Variants in MBTD1 observed in about 807,000 individuals in gnomAD.
The protein encoded by MBTD1 is mbt domain containing 1.
MBTD1 carries 24 observed loss-of-function variants against 87.8 expected under a neutral mutation model. The ratio of observed to expected loss-of-function variants is 0.27; its 90% CI spans 0.20 to 0.38. MBTD1 has a LOEUF of 0.38. MBTD1 is among the 10% of genes least tolerant of loss of function. MBTD1 has a pLI of 1.00. For synonymous variants in MBTD1, 237 were observed against 248.6 expected, an observed-to-expected ratio of 0.95 and a Z score of 0.44; for missense variants, 436 against 760.2, an observed-to-expected ratio of 0.57 and a Z score of 5.02.
At chr17:51,195,564 G>T (rs748759338) in intron 12 of MBTD1, among the ~76,000 whole-genome samples, 15 of 152,168 alleles carry the variant, frequency 9.9e-5, no homozygotes, top group Non-Finnish European at 2.1e-4. Context: ...AGAAACAAAA[G>T]CAGGATTACC....
chr17:51,245,153 G>C (rs1178538460), intron 2 of MBTD1, among the ~76,000 whole-genome samples: 1 of 152,182 alleles, frequency 6.6e-6, no homozygotes, highest in Non-Finnish European at 1.5e-5. Flanking sequence ...GCTCGCCTCA[G>C]CCTCCCAAAG....
intron 2 of MBTD1, among the ~76,000 whole-genome samples, chr17:51,232,385 G>T (rs1485499124): frequency 6.6e-6 from 1 of 152,054 alleles, no homozygotes; most frequent in African/African-American, 2.4e-5. Context: ...CCATGAGCAA[G>T]CATCAGCAGA....
At chr17:51,206,022 T>A (rs1372891376) in intron 7 of MBTD1, among the ~76,000 whole-genome samples, 2 of 152,182 alleles carry the variant, frequency 1.3e-5, no homozygotes, top group African/African-American at 4.8e-5. Context: ...GAGTATCTTG[T>A]CATATTAATA....
chr17:51,190,750 A>AATATATATATATATATATATATATATAT (rs1555677186), intron 16 of MBTD1, among the ~76,000 whole-genome samples: 4 of 39,708 alleles, frequency 1.0e-4, no homozygotes, highest in Non-Finnish European at 1.6e-4. Context: ...AAAAAAAAAA[A>AATATATATATATATATATATATATATAT]ATATATATAT....
At chr17:51,219,180 C>T (rs369816968) in intron 4 of MBTD1, 136 bp from the exon 5 acceptor site, 21 of 568,708 alleles carry the variant, frequency 3.7e-5, no homozygotes, top group East Asian at 3.6e-4. Flanking sequence ...AGGAAACATA[C>T]AAGAATTTTA....
chr17:51,260,533 C>G (rs2055415677), upstream of MBTD1: 19 of 1,554,554 alleles, frequency 1.2e-5, 2 homozygotes, highest in South Asian at 2.3e-4. Context: ...GGCCTGGGCG[C>G]ATGCGCAGCG....
intron 13 of MBTD1, among the ~76,000 whole-genome samples, chr17:51,194,855 A>G (rs2145109841): frequency 6.6e-6 from 1 of 152,056 alleles, no homozygotes; most frequent in Admixed American, 6.6e-5. Context: ...GTGCCACTGC[A>G]CTCCAGCCTG....
Position 51,193,512 on chromosome 17 carries a change from TA to T in MBTD1, c.1373-3del. On this transcript the variant is annotated splice_region_variant and splice_polypyrimidine_tract_variant and intron_variant, in intron 13 of 16. Coordinates refer to ENST00000586178, the MANE Select transcript of MBTD1 (RefSeq NM_017643.3). ...ATTTAAAAGGAAGTTTTGTGTAACC[TA>T]AAAAACACAACTGGTTTAACTAGCA... is the stretch of plus-strand genomic sequence containing the variant. The T allele has an allele frequency of 1.3e-6, 2 of 1,585,580 alleles. No individual in the cohort carries two copies. The highest frequency in any genetic ancestry group is 1.7e-6 in the Non-Finnish European group (2 of 1,156,034).
rs1361170754 is a variant in MBTD1, at chr17:51,178,927, C to T, written c.*1649G>A. On this transcript the variant is annotated 3_prime_UTR_variant, in exon 17 of 17. Coordinates refer to ENST00000586178, the MANE Select transcript of MBTD1 (RefSeq NM_017643.3). ...TATTATAAAACCTTATGTTATTAACCCCTCTTGCATAGAATGAGGTAAACC... is the reference window on the plus strand; with the variant it reads ...TATTATAAAACCTTATGTTATTAACTCCTCTTGCATAGAATGAGGTAAACC... The T allele has an allele frequency of 6.6e-6, 1 of 152,058 alleles. No individual in the cohort carries two copies. The highest frequency in any genetic ancestry group is 2.4e-5 in the African/African-American group (1 of 41,408). The allele number at this position is 152,058 out of a possible 1,614,324, so 9.4% of individuals were successfully genotyped here.
chr17:51,244,964 G>GAC (rs2054347224), intron 2 of MBTD1, among the ~76,000 whole-genome samples: 2 of 151,992 alleles, frequency 1.3e-5, no homozygotes. Context: ...GCAGTGGCAT[G>GAC]ATCTCGGCTC....
chr17:51,197,520 C>CTT (rs548902033), intron 12 of MBTD1, among the ~76,000 whole-genome samples: 13 of 139,070 alleles, frequency 9.3e-5, no homozygotes, highest in African/African-American at 1.6e-4. Flanking sequence ...TTTTTCTTTT[C>CTT]TTTTTTTTTT....
chr17:51,255,891 C>T (rs1301871390), intron 2 of MBTD1, among the ~76,000 whole-genome samples: 2 of 152,156 alleles, frequency 1.3e-5, no homozygotes, highest in Non-Finnish European at 2.9e-5. Flanking sequence ...AGCCAACACA[C>T]CTGGTTAATA....
intron 2 of MBTD1, among the ~76,000 whole-genome samples, chr17:51,252,089 T>C (rs2144218597): frequency 6.6e-6 from 1 of 152,330 alleles, no homozygotes; most frequent in South Asian, 2.1e-4. Context: ...TTGTTACTGA[T>C]CTGATTTGGT....
intron 2 of MBTD1, among the ~76,000 whole-genome samples, chr17:51,258,131 G>A (rs762732782): frequency 6.6e-5 from 10 of 152,116 alleles, no homozygotes; most frequent in Non-Finnish European, 1.0e-4. Flanking sequence ...AGTTATAAGA[G>A]GAGGAGAGAA....
At chr17:51,243,661 C>T (rs4794214) in intron 2 of MBTD1, among the ~76,000 whole-genome samples, 93,801 of 151,986 alleles carry the variant, frequency 0.62, 29,438 homozygotes, top group African/African-American at 0.73. Flanking sequence ...AAAGTCGTAT[C>T]TATCTCTTTA....
rs372985102 is a variant in MBTD1 at position 51,195,350 on chromosome 17, G to T, written c.1236C>A (p.Asp412Glu). The change falls in exon 13 of 17, where the codon GAC becomes GAA. Residue 412 changes from aspartate (D) to glutamate (E), a missense_variant. Asp to Glu is a conservative substitution (Grantham distance 45). Around this residue, in one of 5 missense-constraint regions of MBTD1, gnomAD observed 268 missense variants for 401.8 expected, o/e 0.67. Coordinates refer to ENST00000586178, the MANE Select transcript of MBTD1 (RefSeq NM_017643.3). ...CVATIRKVLA[D>E]GFLMIGIDGS... ...CATCGATCCCAATCATCAGGAATCC[G>T]TCAGCTAGCACCTTTTCAATGAAGA... 3.7e-6 allele frequency: 6 copies of T among 1,605,356 alleles called. No homozygotes were observed. In the East Asian group the frequency reaches 1.3e-4, roughly 36 times the overall value.
chr17:51,187,401 CAAAAAA>C (rs201877980), intron 16 of MBTD1, among the ~76,000 whole-genome samples: 1 of 113,710 alleles, frequency 8.8e-6, no homozygotes, highest in Non-Finnish European at 1.8e-5. Flanking sequence ...GACCTTGTCT[CAAAAAA>C]AAAAAAAAAA....
At chr17:51,209,085 T>C (rs142926541) in intron 6 of MBTD1, among the ~76,000 whole-genome samples, 1 of 152,360 alleles carries the variant, frequency 6.6e-6, no homozygotes, top group African/African-American at 2.4e-5. Context: ...GGTCATAGCA[T>C]AGTATGTGCT....
chr17:51,216,511 T>C (rs1371302305), intron 6 of MBTD1, among the ~76,000 whole-genome samples: 7 of 152,102 alleles, frequency 4.6e-5, no homozygotes. Flanking sequence ...TTTTAAAGGG[T>C]TTCTCATGAT....
Sources: allele counts gnomAD v4.1 joint callset (sites outside exome capture counted in the v4.1 genomes callset), GRCh38; gene constraint gnomAD v4.1.1; regional missense constraint gnomAD v4.1.1; transcripts MANE v1.5; gene names NCBI Gene and HGNC (gene_info 2026-07-23, HGNC 2026-07-21).